The following TMEM117 variants were observed in gnomAD, a reference collection of about 807,000 sequenced individuals.
TMEM117 encodes the protein transmembrane protein 117.
A neutral mutation model predicts 52.4 loss-of-function variants in TMEM117; 27 were observed. The observed-to-expected ratio is 0.51, with a 90% confidence interval of 0.38 to 0.71. The LOEUF (loss-of-function observed/expected upper bound fraction) is 0.71. TMEM117 is among the 30% of genes least tolerant of loss of function. TMEM117 has a pLI of 0.00. For synonymous variants in TMEM117, 215 were observed against 206.3 expected (o/e 1.04, Z -0.36); for missense variants, 556 against 630.5 (o/e 0.88, Z 1.26).
chr12:44,093,799 A>T (rs906370145), intron 3 of TMEM117, among the ~76,000 whole-genome samples: 11 of 127,124 alleles, frequency 8.7e-5, no homozygotes, highest in Admixed American at 8.4e-4. Flanking sequence ...AGGAAGGCAG[A>T]TAGACTGGAT....
intron 6 of TMEM117, among the ~76,000 whole-genome samples, chr12:44,361,667 G>A (rs985916872): frequency 6.6e-6 from 1 of 152,146 alleles, no homozygotes; most frequent in East Asian, 1.9e-4. Flanking sequence ...TACCTTCAAG[G>A]AGTGTATAAT....
intron 2 of TMEM117, among the ~76,000 whole-genome samples, chr12:43,923,627 G>C (rs1231948868): frequency 6.6e-6 from 1 of 152,154 alleles, no homozygotes; most frequent in Non-Finnish European, 1.5e-5. Flanking sequence ...TATTTGGAAA[G>C]ACTTTCCTAC....
chr12:44,283,263 A>AC (rs1394354835), intron 5 of TMEM117, among the ~76,000 whole-genome samples: 2 of 152,158 alleles, frequency 1.3e-5, no homozygotes, highest in African/African-American at 4.8e-5. Context: ...GAAGAGGGCC[A>AC]CCGTCCTTCA....
At chr12:44,047,586 G>A (rs1236368405) in intron 3 of TMEM117, among the ~76,000 whole-genome samples, 1 of 152,052 alleles carries the variant, frequency 6.6e-6, no homozygotes, top group Non-Finnish European at 1.5e-5. Flanking sequence ...TTCATAGAAG[G>A]TATTGCTTTT....
chr12:43,889,403 A>C (rs1944061101), intron 2 of TMEM117, among the ~76,000 whole-genome samples: 1 of 152,158 alleles, frequency 6.6e-6, no homozygotes, highest in Non-Finnish European at 1.5e-5. Context: ...AAAGGAGCAC[A>C]CAACCTAGAT....
intron 5 of TMEM117, among the ~76,000 whole-genome samples, chr12:44,217,150 C>T (rs1949729077): frequency 6.6e-6 from 1 of 151,924 alleles, no homozygotes; most frequent in Non-Finnish European, 1.5e-5. Context: ...ATAAAAAGAC[C>T]TAAGAATCAG....
At chr12:44,063,682 T>G (rs1467460950) in intron 3 of TMEM117, among the ~76,000 whole-genome samples, 1 of 150,544 alleles carries the variant, frequency 6.6e-6, no homozygotes, top group Non-Finnish European at 1.5e-5. Context: ...GTGTTCTAAT[T>G]GTTCAATTCC....
chr12:44,097,684 G>C (rs905385047), intron 3 of TMEM117, among the ~76,000 whole-genome samples: 13 of 146,380 alleles, frequency 8.9e-5, no homozygotes, highest in Admixed American at 1.4e-4. Flanking sequence ...ATGGACATAG[G>C]AAGGGGAACA....
chr12:43,909,537 CA>C (rs1565745947), intron 2 of TMEM117, among the ~76,000 whole-genome samples: 2 of 144,640 alleles, frequency 1.4e-5, no homozygotes, highest in Admixed American at 7.0e-5. Flanking sequence ...AAAAACCCTT[CA>C]AAAAATTAAT....
At chr12:44,346,951 G>A (rs1442098166) in intron 6 of TMEM117, among the ~76,000 whole-genome samples, 1 of 151,978 alleles carries the variant, frequency 6.6e-6, no homozygotes, top group Admixed American at 6.6e-5. Flanking sequence ...ATTTTTCTAG[G>A]CCAATGAATT....
intron 5 of TMEM117, among the ~76,000 whole-genome samples, chr12:44,250,215 G>A (rs1209965973): frequency 1.3e-5 from 2 of 151,606 alleles, no homozygotes; most frequent in Non-Finnish European, 2.9e-5. Flanking sequence ...AGACATTTAT[G>A]TGGCCAACAA....
At chr12:44,324,960 T>C (rs974540815) in intron 6 of TMEM117, among the ~76,000 whole-genome samples, 1 of 152,196 alleles carries the variant, frequency 6.6e-6, no homozygotes, top group South Asian at 2.1e-4. Flanking sequence ...TTATGACTTA[T>C]AATAAGCTAA....
intron 3 of TMEM117, among the ~76,000 whole-genome samples, chr12:43,967,165 C>G (rs1034756217): frequency 6.7e-6 from 1 of 148,304 alleles, no homozygotes; most frequent in Non-Finnish European, 1.5e-5. Flanking sequence ...GTCATTCTGT[C>G]ACCCAGTTTG....
chr12:43,820,796 GTCTT>G, the TMEM117 span, among the ~76,000 whole-genome samples: 1 of 151,944 alleles, frequency 6.6e-6, no homozygotes, highest in Non-Finnish European at 1.5e-5. Context: ...AAACCCTTCT[GTCTT>G]TCTATAAGAA....
intron 6 of TMEM117, among the ~76,000 whole-genome samples, chr12:44,307,899 T>C (rs1451330704): frequency 6.6e-6 from 1 of 152,184 alleles, no homozygotes; most frequent in African/African-American, 2.4e-5. Flanking sequence ...GCAAAAACTT[T>C]TAGGATTCAA....
chr12:44,037,292 C>A (rs1244711024), intron 3 of TMEM117, among the ~76,000 whole-genome samples: 1 of 152,174 alleles, frequency 6.6e-6, no homozygotes, highest in Non-Finnish European at 1.5e-5. Flanking sequence ...TCTTGACGGC[C>A]TGGGAAGCCC....
At chr12:44,041,320 T>G (rs1413389033) in intron 3 of TMEM117, among the ~76,000 whole-genome samples, 1 of 144,446 alleles carries the variant, frequency 6.9e-6, no homozygotes, top group Admixed American at 7.3e-5. Context: ...ATTCTTGAGC[T>G]ACATTAATTA....
At chr12:43,992,213 TA>T (rs1238380942) in intron 3 of TMEM117, among the ~76,000 whole-genome samples, 1 of 152,172 alleles carries the variant, frequency 6.6e-6, no homozygotes, top group Non-Finnish European at 1.5e-5. Context: ...ACCACTGTCT[TA>T]AAATTCATTG....
chr12:43,923,792 G>T (rs555338993), intron 2 of TMEM117, among the ~76,000 whole-genome samples: 1 of 152,182 alleles, frequency 6.6e-6, no homozygotes, highest in African/African-American at 2.4e-5. Context: ...GCTGGAAATG[G>T]AAAGTATTGA....
Sources: gnomAD v4.1 joint callset for allele counts (sites outside exome capture counted in the v4.1 genomes callset) on GRCh38, gnomAD v4.1.1 for gene constraint, MANE v1.5 for transcripts, NCBI Gene and HGNC (gene_info 2026-07-23, HGNC 2026-07-21) for gene names.